The following MTUS1 variants were observed in gnomAD, a reference collection of about 807,000 sequenced individuals.
The protein encoded by MTUS1 is microtubule-associated tumor suppressor 1.
In MTUS1, 109 loss-of-function variants were observed where a neutral mutation model predicts 120.8. The ratio of observed to expected loss-of-function variants is 0.90; its 90% CI spans 0.77 to 1.06. The LOEUF is 1.06. MTUS1 is among the 50% of genes least tolerant of loss of function. MTUS1 has a pLI of 0.00. For missense variants in MTUS1, 2,210 were observed against 1,486.3 expected (o/e 1.49, Z -8.01); for synonymous variants, 737 against 550.5 (o/e 1.34, Z -4.74).
chr8:17,645,830 G>T lies in MTUS1; in HGVS notation c.*96C>A. On this transcript the variant is annotated 3_prime_UTR_variant, in exon 15 of 15. Transcript: ENST00000693296. ...GTTACCCTACGGTGATCACACGTGT[G>T]CTGATATACCTCTTGTGCCCACGTT... The T allele has an allele frequency of 6.8e-7, 1 of 1,473,354 alleles. No individual in the cohort carries two copies. The highest frequency in any genetic ancestry group is 9.1e-7 in the Non-Finnish European group (1 of 1,104,194). 91.3% of individuals were successfully genotyped at this position (1,473,354 alleles called of 1,614,324 possible). A position where few individuals can be genotyped will look rare whatever the true frequency, so the allele number is the denominator to read the frequency against.
At chr8:17,763,607 C>T (rs17125299) in intron 1 of MTUS1, among the ~76,000 whole-genome samples, 2,241 of 152,116 alleles carry the variant, frequency 0.015, 65 homozygotes, top group African/African-American at 0.051. Flanking sequence ...GAGCTGCCCA[C>T]CAGAGCCAGG....
chr8:17,786,255 G>A (rs1473981577), intron 1 of MTUS1, among the ~76,000 whole-genome samples: 2 of 152,166 alleles, frequency 1.3e-5, no homozygotes, highest in Admixed American at 1.3e-4. Context: ...TAGGACAGAG[G>A]CACCCAAAGA....
chr8:17,674,980 G>T, intron 8 of MTUS1: 2 of 1,384,664 alleles, frequency 1.4e-6, no homozygotes, highest in East Asian at 5.2e-5. Flanking sequence ...GGCTTAGTCA[G>T]ATCAGTGCCA....
chr8:17,725,642 A>G (rs6586637), intron 3 of MTUS1, among the ~76,000 whole-genome samples: 112,411 of 152,110 alleles, frequency 0.74, 41,963 homozygotes, highest in Middle Eastern at 0.88. Flanking sequence ...TTAATCTCCT[A>G]AATGTGAAAA....
chr8:17,760,684 C>G (rs1458309250), intron 1 of MTUS1, among the ~76,000 whole-genome samples: 1 of 151,904 alleles, frequency 6.6e-6, no homozygotes, highest in Non-Finnish European at 1.5e-5. Flanking sequence ...GACTCATAAG[C>G]AAAGTCTTCA....
Position 17,769,572 on chromosome 8 carries a change from C to G in MTUS1, c.-154-13611G>C, listed in dbSNP as rs528054685. On this transcript the variant is annotated intron_variant, in intron 1 of 14. Transcript: ENST00000693296. ...CCGCGTTAGCCAGGATGGTCTCGAT[C>G]TCCTGACCTCGTGATCCACCCGCCT... Among the ~76,000 whole-genome samples the G allele has an allele frequency of 2.0e-5, 3 of 151,870 alleles. No individual in the cohort carries two copies. The East Asian group carries it at 5.8e-4, about 29-fold the overall frequency.
At chr8:17,659,656 C>T (rs1481527005) in intron 8 of MTUS1, among the ~76,000 whole-genome samples, 3 of 152,100 alleles carry the variant, frequency 2.0e-5, no homozygotes, top group African/African-American at 7.2e-5. Flanking sequence ...CAAGATCGCA[C>T]TACCGCACTC....
intron 1 of MTUS1, among the ~76,000 whole-genome samples, chr8:17,797,513 C>A (rs2052342432): frequency 6.6e-6 from 1 of 152,174 alleles, no homozygotes; most frequent in African/African-American, 2.4e-5. Context: ...GGTATAAAGT[C>A]TCCCTGGTCA....
chr8:17,704,821 A>G (rs1424068421), intron 6 of MTUS1, among the ~76,000 whole-genome samples: 1 of 152,112 alleles, frequency 6.6e-6, no homozygotes, highest in African/African-American at 2.4e-5. Context: ...GGATTTTGAT[A>G]GGGATTGCAC....
rs191057400 is a variant in MTUS1, at chr8:17,778,723, C to T, written c.-155+22338G>A. 2.9e-3 allele frequency among the ~76,000 whole-genome samples: 446 copies of T among 152,154 alleles called. 3 individuals carry two copies. The highest frequency in any genetic ancestry group is 0.01 in the African/African-American group (423 of 41,514). On this transcript the variant is annotated intron_variant, in intron 1 of 14. Transcript: ENST00000693296. The stretch of plus-strand genomic sequence containing the variant: ...ACTTGGGAGGCTGAAGTGGGAGGAT[C>T]GTTTGGGCCCTGGAGGGGGAGGTTG...
At chr8:17,664,706 G>T (rs1810514872) in intron 8 of MTUS1, among the ~76,000 whole-genome samples, 4 of 152,076 alleles carry the variant, frequency 2.6e-5, no homozygotes. Context: ...TCTACCGTAG[G>T]AGTGTGATGA....
chr8:17,687,476 C>T (rs925211656), intron 6 of MTUS1, among the ~76,000 whole-genome samples: 2 of 152,186 alleles, frequency 1.3e-5, no homozygotes, highest in African/African-American at 2.4e-5. Flanking sequence ...AAACTTTGCC[C>T]TTACCCTTGC....
intron 5 of MTUS1, among the ~76,000 whole-genome samples, chr8:17,715,271 A>C (rs935617733): frequency 2.6e-5 from 4 of 152,162 alleles, no homozygotes; most frequent in African/African-American, 4.8e-5. Context: ...TTGCACATTA[A>C]GTGTATACCA....
At chr8:17,798,426 G>A (rs570270329) in intron 1 of MTUS1, among the ~76,000 whole-genome samples, 40 of 151,984 alleles carry the variant, frequency 2.6e-4, no homozygotes, top group Admixed American at 5.9e-4. Context: ...TCCACCTCCC[G>A]GGTTCAAGCG....
rs138987995 is a variant in MTUS1 at position 17,744,444 on chromosome 8, C to T, written c.2092-645G>A. 2.5e-3 allele frequency among the ~76,000 whole-genome samples: 373 copies of T among 152,048 alleles called. 1 individual carries two copies. Among genetic ancestry groups the T allele is most frequent in the African/African-American group, 8.2e-3 (341 of 41,456 alleles). On this transcript the variant is annotated intron_variant, in intron 2 of 14. Coordinates refer to ENST00000693296, the MANE Select transcript of MTUS1 (RefSeq NM_001363059.2). ...TAATAACTTCTTTAGTTTTTTGACA[C>T]GGAGTCTCCTCTATCGCCCAGGCTG...
chr8:17,666,800 G>T (rs1811010478), intron 8 of MTUS1, among the ~76,000 whole-genome samples: 2 of 152,092 alleles, frequency 1.3e-5, no homozygotes, highest in Non-Finnish European at 2.9e-5. Context: ...CTGTAATTGG[G>T]AAGCACCTAT....
At chr8:17,791,689 T>A (rs1445846233) in intron 1 of MTUS1, among the ~76,000 whole-genome samples, 1 of 152,174 alleles carries the variant, frequency 6.6e-6, no homozygotes, top group Admixed American at 6.5e-5. Flanking sequence ...ATCTCCAATG[T>A]TTGCTACAAA....
intron 7 of MTUS1, chr8:17,681,792 C>G (rs377674751): frequency 2.6e-5 from 4 of 154,730 alleles, no homozygotes; most frequent in African/African-American, 9.6e-5. Flanking sequence ...CCAGACTCCC[C>G]AAAACAAAAT....
intron 1 of MTUS1, among the ~76,000 whole-genome samples, chr8:17,773,495 A>C (rs535799076): frequency 9.9e-5 from 15 of 152,208 alleles, no homozygotes; most frequent in African/African-American, 3.4e-4. Flanking sequence ...TGGGTAACTT[A>C]TAAGCCATCA....
Sources: allele counts gnomAD v4.1 joint callset (sites outside exome capture counted in the v4.1 genomes callset), GRCh38; gene constraint gnomAD v4.1.1; transcripts MANE v1.5; gene names NCBI Gene and HGNC (gene_info 2026-07-23, HGNC 2026-07-21).